Variants in GRIK3 observed in about 807,000 individuals in gnomAD.
GRIK3 encodes the protein glutamate ionotropic receptor kainate type subunit 3.
In GRIK3, 29 loss-of-function variants were observed where a neutral mutation model predicts 102.5. That is an observed-to-expected ratio of 0.28 (90% CI 0.21 to 0.39). The LOEUF (loss-of-function observed/expected upper bound fraction) is 0.39, where lower values mean the gene tolerates loss of function less well. Among genes scored for constraint, GRIK3 ranks in the 10% least tolerant of loss-of-function variants. The pLI, the probability that GRIK3 is intolerant of heterozygous loss-of-function variation, is 1.00. For missense variants in GRIK3, 908 were observed against 1,252.4 expected, an observed-to-expected ratio of 0.73 and a Z score of 4.15; for synonymous variants, 511 against 504.9, an observed-to-expected ratio of 1.01 and a Z score of -0.16.
In GRIK3 at chr1:36,932,570, A is replaced by G. The variant is rs1430816985; in HGVS notation, c.116-41474T>C. 1.3e-5 allele frequency among the ~76,000 whole-genome samples: 2 copies of G among 152,190 alleles called. 1 individual carries two copies. The highest frequency in any genetic ancestry group is 1.3e-4 in the Admixed American group (2 of 15,284). On this transcript the variant is annotated intron_variant, in intron 1 of 15. Coordinates refer to ENST00000373091, the MANE Select transcript of GRIK3 (RefSeq NM_000831.4). ...ACACTCCCAGGGCCTTCCATTTCCA[A>G]TGAAGGGTCCGCAGCCAAGATGACC... is the stretch of plus-strand genomic sequence containing the variant.
intron 1 of GRIK3, among the ~76,000 whole-genome samples, chr1:37,019,582 C>T (rs1201469529): frequency 1.3e-5 from 2 of 152,128 alleles, no homozygotes; most frequent in African/African-American, 2.4e-5. Flanking sequence ...TACCACCAAG[C>T]CCAGGAGTGC....
chr1:36,948,068 C>CTGTTCT (rs1255319840), intron 1 of GRIK3, among the ~76,000 whole-genome samples: 8 of 152,182 alleles, frequency 5.3e-5, no homozygotes, highest in African/African-American at 1.9e-4. Flanking sequence ...CATCACTTGG[C>CTGTTCT]TGTCGGTTCT....
At chr1:36,954,239 C>T (rs1372626459) in intron 1 of GRIK3, among the ~76,000 whole-genome samples, 11 of 152,212 alleles carry the variant, frequency 7.2e-5, no homozygotes, top group East Asian at 1.9e-4. Context: ...GCACACCTTA[C>T]ATCTGAGCTC....
chr1:36,838,780 T>C (rs1264645623), intron 10 of GRIK3, among the ~76,000 whole-genome samples: 1 of 152,170 alleles, frequency 6.6e-6, no homozygotes, highest in East Asian at 1.9e-4. Flanking sequence ...TTTGCATGCT[T>C]TCTATGGGCT....
At chr1:36,816,760 C>A (rs1642636062) in intron 13 of GRIK3, among the ~76,000 whole-genome samples, 1 of 152,204 alleles carries the variant, frequency 6.6e-6, no homozygotes, top group African/African-American at 2.4e-5. Flanking sequence ...CTCCTTCCCA[C>A]TTCTCCAGGC....
intron 1 of GRIK3, among the ~76,000 whole-genome samples, chr1:37,010,311 G>A (rs1642580393): frequency 6.6e-6 from 1 of 152,176 alleles, no homozygotes; most frequent in African/African-American, 2.4e-5. Context: ...CATAGAAATG[G>A]ATACTTATTC....
chr1:36,933,903 C>T (rs1641624953), intron 1 of GRIK3, among the ~76,000 whole-genome samples: 1 of 152,198 alleles, frequency 6.6e-6, no homozygotes, highest in Admixed American at 6.5e-5. Flanking sequence ...AGAACTTCCA[C>T]TTGAGCATCT....
chr1:37,029,794 T>C (rs1356169273), intron 1 of GRIK3, among the ~76,000 whole-genome samples: 2 of 151,516 alleles, frequency 1.3e-5, no homozygotes, highest in Admixed American at 6.6e-5. Flanking sequence ...ATTTCTGGAG[T>C]GGTTGGAGGC....
At chr1:36,817,679 C>T (rs985780690) in intron 12 of GRIK3, among the ~76,000 whole-genome samples, 1 of 152,216 alleles carries the variant, frequency 6.6e-6, no homozygotes, top group Non-Finnish European at 1.5e-5. Flanking sequence ...TTAAGAACAC[C>T]TGGGAGTCAG....
At chr1:36,950,238 C>T (rs978081727) in intron 1 of GRIK3, among the ~76,000 whole-genome samples, 13 of 152,306 alleles carry the variant, frequency 8.5e-5, no homozygotes, top group Middle Eastern at 6.8e-3. Flanking sequence ...AGCTGAGACA[C>T]GATCAAATTG....
At chr1:36,884,658 A>G (rs1179841875) in intron 2 of GRIK3, among the ~76,000 whole-genome samples, 1 of 151,918 alleles carries the variant, frequency 6.6e-6, no homozygotes, top group Non-Finnish European at 1.5e-5. Context: ...CTTTGTTTTG[A>G]CCCTTCTAGC....
rs1177985784 is a variant in GRIK3, at chr1:36,838,647, T to C, written c.1530+3089A>G. 2.6e-5 allele frequency among the ~76,000 whole-genome samples: 4 copies of C among 152,192 alleles called. No individual in the cohort carries two copies. In the East Asian group the frequency reaches 7.7e-4, roughly 29 times the overall value. On this transcript the variant is annotated intron_variant, in intron 10 of 15. Transcript: ENST00000373091. ...GGAAGGGCTTTTTAAGTCCTGTTGG[T>C]CAGAGGCTCCACCCAGGGCCTCCAA...
chr1:37,020,710 C>A (rs1642701463), intron 1 of GRIK3, among the ~76,000 whole-genome samples: 3 of 152,240 alleles, frequency 2.0e-5, no homozygotes, highest in South Asian at 4.1e-4. Context: ...TGAACAACAA[C>A]AAATAACAGT....
intron 10 of GRIK3, among the ~76,000 whole-genome samples, chr1:36,829,167 T>C (rs1642786701): frequency 6.6e-6 from 1 of 152,192 alleles, no homozygotes; most frequent in African/African-American, 2.4e-5. Context: ...TTAGTTACGA[T>C]TTCCCTGAGA....
chr1:37,031,617 C>G (rs140827773), intron 1 of GRIK3, among the ~76,000 whole-genome samples: 11 of 152,320 alleles, frequency 7.2e-5, no homozygotes, highest in Admixed American at 2.6e-4. Flanking sequence ...TCAGCCGGCT[C>G]AGGTGCCAGT....
At chr1:36,974,620 A>C (rs1642175746) in intron 1 of GRIK3, among the ~76,000 whole-genome samples, 1 of 151,928 alleles carries the variant, frequency 6.6e-6, no homozygotes, top group South Asian at 2.1e-4. Flanking sequence ...AACACAGTGA[A>C]ACCCCATCTC....
intron 1 of GRIK3, among the ~76,000 whole-genome samples, chr1:36,999,755 A>C (rs540908161): frequency 1.1e-4 from 17 of 152,266 alleles, no homozygotes; most frequent in Non-Finnish European, 2.1e-4. Context: ...CTTTGCTTAA[A>C]CAGTCTTCTC....
At chr1:36,985,402 A>G (rs1007856359) in intron 1 of GRIK3, among the ~76,000 whole-genome samples, 7 of 152,112 alleles carry the variant, frequency 4.6e-5, no homozygotes, top group African/African-American at 1.4e-4. Flanking sequence ...TCTTGTGTCA[A>G]ATTACCTCCC....
At chr1:36,952,959 G>A (rs943699436) in intron 1 of GRIK3, among the ~76,000 whole-genome samples, 2 of 152,222 alleles carry the variant, frequency 1.3e-5, no homozygotes, top group South Asian at 4.1e-4. Flanking sequence ...AGCTGACAGG[G>A]AGAATCAGCA....
Sources: gnomAD v4.1 joint callset for allele counts (sites outside exome capture counted in the v4.1 genomes callset) on GRCh38, gnomAD v4.1.1 for gene constraint, MANE v1.5 for transcripts, NCBI Gene and HGNC (gene_info 2026-07-23, HGNC 2026-07-21) for gene names.